Variants in SMUG1 observed in about 807,000 individuals in gnomAD.
SMUG1 encodes single-strand selective monofunctional uracil DNA glycosylase.
Under a neutral mutation model 23.9 loss-of-function variants are expected in SMUG1, and 13 were observed. That is an observed-to-expected ratio of 0.54 (90% CI 0.35 to 0.86). The LOEUF is 0.86. Ranked by LOEUF, SMUG1 falls within the 40% of genes least tolerant of loss-of-function variation. The pLI, the probability that SMUG1 is intolerant of heterozygous loss-of-function variation, is 0.01. For synonymous variants in SMUG1, 133 were observed against 139.8 expected (o/e 0.95, Z 0.34); for missense variants, 313 against 339.5 (o/e 0.92, Z 0.61).
chr12:54,170,747 C>T (rs1940594939), intron 3 of SMUG1, among the ~76,000 whole-genome samples: 1 of 152,146 alleles, frequency 6.6e-6, no homozygotes, highest in Non-Finnish European at 1.5e-5. Flanking sequence ...CAGGTGCGTG[C>T]CACCACACTC....
chr12:54,182,549 C>G lies in SMUG1; in HGVS notation c.360G>C (p.Glu120Asp), dbSNP rs566454607. ...IVGPVLTPPQ[E>D]HPKRPVLGLE... is the part of the protein sequence containing the mutation. ...GTCCCAGCACTGGTCGTTTAGGATG[C>G]TCTTGGGGAGGGGTCAGCACAGGCC... The change falls in exon 4 of 4, where the codon GAG (glutamate) becomes GAC (aspartate). Residue 120 changes from glutamate (E) to aspartate (D), a missense_variant. Coordinates refer to ENST00000682136, the MANE Select transcript of SMUG1 (RefSeq NM_001243787.2). The G allele has an allele frequency of 5.6e-6, 9 of 1,614,162 alleles. No individual in the cohort carries two copies. The Admixed American group carries it at 8.3e-5, about 15-fold the overall frequency.
intron 1 of SMUG1, chr12:54,188,725 C>T (rs1943127985): frequency 6.6e-6 from 1 of 152,248 alleles, no homozygotes; most frequent in Admixed American, 6.5e-5. Flanking sequence ...CCATACAAAA[C>T]CTCCGGGGGC....
At chr12:54,178,594 G>C (rs1208392012), downstream of SMUG1, among the ~76,000 whole-genome samples, 2 of 151,948 alleles carry the variant, frequency 1.3e-5, no homozygotes, top group African/African-American at 4.8e-5. Context: ...TCCTTCTATG[G>C]GTTTCCACCT....
intron 2 of SMUG1, chr12:54,174,890 AG>A (rs1278069348): frequency 6.6e-6 from 1 of 152,228 alleles, no homozygotes; most frequent in Non-Finnish European, 1.5e-5. Flanking sequence ...AAGGAGGGAG[AG>A]AAAAAAAGAA....
At chr12:54,186,065 C>G (rs1942380397) in intron 2 of SMUG1, among the ~76,000 whole-genome samples, 1 of 152,192 alleles carries the variant, frequency 6.6e-6, no homozygotes, top group Non-Finnish European at 1.5e-5. Context: ...CCTCAACTCC[C>G]AAAACCTTGC....
At chr12:54,168,894 G>A (rs1429865106) in intron 3 of SMUG1, among the ~76,000 whole-genome samples, 1 of 152,190 alleles carries the variant, frequency 6.6e-6, no homozygotes, top group East Asian at 1.9e-4. Context: ...CTGAACAGAA[G>A]GAACCAGGGA....
At chr12:54,160,723 C>T (rs189151543), downstream of SMUG1, among the ~76,000 whole-genome samples, 3 of 152,358 alleles carry the variant, frequency 2.0e-5, no homozygotes, top group East Asian at 3.9e-4. Flanking sequence ...ATCACCTCTA[C>T]CATCGAACAT....
In SMUG1 at chr12:54,181,002, AAG is replaced by A; in HGVS notation, c.*1092_*1093del. ...GACTCCATCTCAAAAAAAAAAAAAA[AAG>A]AGAGATCTACTACATCCTTCCCCCA... On this transcript the variant is annotated 3_prime_UTR_variant, in exon 4 of 4. Transcript: ENST00000682136. The A allele has an allele frequency of 6.6e-6, 1 of 152,108 alleles. No individual in the cohort carries two copies. Among genetic ancestry groups the A allele is most frequent in the Non-Finnish European group, 1.5e-5 (1 of 68,242 alleles). The allele number at this position is 152,108 out of a possible 1,614,324, so 9.4% of individuals were successfully genotyped here. A position where few individuals can be genotyped will look rare whatever the true frequency, so the allele number is the denominator to read the frequency against.
chr12:54,174,479 T>C (rs956184297), intron 2 of SMUG1, among the ~76,000 whole-genome samples: 24 of 152,236 alleles, frequency 1.6e-4, no homozygotes, highest in Admixed American at 1.0e-3. Context: ...TTGTGTGAAG[T>C]TGGGATTCTC....
chr12:54,188,418 G>T (rs1053025406), intron 1 of SMUG1: 1 of 151,314 alleles, frequency 6.6e-6, no homozygotes, highest in Non-Finnish European at 1.5e-5. Context: ...ACGAGGTCAG[G>T]ACTTCGAGAC....
chr12:54,167,348 C>G (rs1311879503), intron 3 of SMUG1, among the ~76,000 whole-genome samples: 1 of 152,162 alleles, frequency 6.6e-6, no homozygotes, highest in Admixed American at 6.5e-5. Context: ...TACTCTAGCT[C>G]TTTCCCAGAG....
intron 2 of SMUG1, chr12:54,172,363 G>A (rs888221121): frequency 1.5e-5 from 4 of 259,334 alleles, no homozygotes; most frequent in South Asian, 7.9e-5. Context: ...TCTCTTAGCC[G>A]GGAAACTCTT....
At chr12:54,162,178 ACT>A (rs1191727106), downstream of SMUG1, 3 of 152,818 alleles carry the variant, frequency 2.0e-5, no homozygotes, top group African/African-American at 7.2e-5. Context: ...AGCAAGGAAC[ACT>A]GATAGAACAA....
At chr12:54,166,081 G>A (rs184702659) in intron 3 of SMUG1, among the ~76,000 whole-genome samples, 19 of 152,346 alleles carry the variant, frequency 1.2e-4, no homozygotes, top group African/African-American at 3.6e-4. Flanking sequence ...GTTGGAGCCC[G>A]GTGGAGCGCA....
intron 2 of SMUG1, among the ~76,000 whole-genome samples, chr12:54,184,745 A>G (rs1354805923): frequency 6.6e-6 from 1 of 152,138 alleles, no homozygotes; most frequent in African/African-American, 2.4e-5. Flanking sequence ...TCTTTCCCAC[A>G]CTCAGGAATA....
Position 54,181,071 on chromosome 12 carries a change from G to C in SMUG1, c.*1025C>G, listed in dbSNP as rs3136395. The C allele has an allele frequency of 8.5e-3, 1,305 of 154,054 alleles. 17 individuals are homozygous for C. Among genetic ancestry groups the C allele is most frequent in the African/African-American group, 0.029 (1,198 of 41,480 alleles). 9.5% of individuals were successfully genotyped at this position (154,054 alleles called of 1,614,324 possible). A position where few individuals can be genotyped will look rare whatever the true frequency, so the allele number is the denominator to read the frequency against. On this transcript the variant is annotated 3_prime_UTR_variant, in exon 4 of 4. Transcript: ENST00000682136. ...CCTGGCCAACAATGAAGAGGGAAGA[G>C]GGGGGAAATCTAAATGACTACCTTC... is the stretch of plus-strand genomic sequence containing the variant.
downstream of SMUG1, among the ~76,000 whole-genome samples, chr12:54,176,207 CAA>C (rs1940744756): frequency 6.7e-6 from 1 of 148,488 alleles, no homozygotes; most frequent in South Asian, 2.1e-4. Flanking sequence ...ACCTGGGAAA[CAA>C]GAGCAAAACT....
At chr12:54,158,569 C>T (rs1940121712) in intron 4 of SMUG1, among the ~76,000 whole-genome samples, 1 of 152,082 alleles carries the variant, frequency 6.6e-6, no homozygotes. Flanking sequence ...ACCTCAGTGC[C>T]CCCGGGGAGA....
At position 54,187,847 on chromosome 12, in the gene SMUG1, G is replaced by C. The variant is rs1942825302; in HGVS notation, c.-48C>G. The C allele has an allele frequency of 6.6e-6, 1 of 151,760 alleles. No homozygotes were observed. The highest frequency in any genetic ancestry group is 1.9e-4 in the East Asian group (1 of 5,182). 9.4% of individuals were successfully genotyped at this position (151,760 alleles called of 1,614,324 possible). A position where few individuals can be genotyped will look rare whatever the true frequency, so the allele number is the denominator to read the frequency against. On this transcript the variant is annotated 5_prime_UTR_variant, in exon 2 of 4. The change creates a premature stop within an existing upstream ORF in the 5' untranslated region. Coordinates refer to ENST00000682136, the MANE Select transcript of SMUG1 (RefSeq NM_001243787.2). ...ACAGGCACTGCAGCAGTCTCTTGAT[G>C]AGGAAGAAATCCAAAAAGAGTAAAA...
Sources: gnomAD v4.1 joint callset for allele counts (sites outside exome capture counted in the v4.1 genomes callset) on GRCh38, gnomAD v4.1.1 for gene constraint, MANE v1.5 for transcripts, NCBI Gene and HGNC (gene_info 2026-07-23, HGNC 2026-07-21) for gene names.